Variants in LRRC45 observed in about 807,000 individuals in gnomAD.
LRRC45 encodes leucine rich repeat containing 45.
In LRRC45, 73 loss-of-function variants were observed where a neutral mutation model predicts 85.4. That is an observed-to-expected ratio of 0.85 (90% CI 0.71 to 1.04). LRRC45 has a LOEUF of 1.04. LRRC45 is among the 50% of genes least tolerant of loss of function. The pLI is 0.00. For missense variants in LRRC45, 937 were observed against 883.3 expected (o/e 1.06, Z -0.77); for synonymous variants, 429 against 386.0 (o/e 1.11, Z -1.31).
At chr17:82,024,068 G>A in intron 1 of LRRC45, 1 of 721,018 alleles carries the variant, frequency 1.4e-6, no homozygotes, top group Non-Finnish European at 2.2e-6. Flanking sequence ...GTCTTACCTG[G>A]TTCCCCGCGT....
intron 1 of LRRC45, 134 bp downstream of exon 1, chr17:82,023,997 C>G (rs1269870819): frequency 3.5e-6 from 3 of 860,950 alleles, no homozygotes; most frequent in African/African-American, 1.7e-5. Context: ...GCGCCCCTTC[C>G]TGCACCTGGG....
intron 14 of LRRC45, 59 bp downstream of exon 14, chr17:82,029,694 G>A (rs1398394782): frequency 1.8e-5 from 26 of 1,470,976 alleles, no homozygotes; most frequent in African/African-American, 4.2e-5. Context: ...ATTGCGGCCC[G>A]CATGCAGACT....
intron 1 of LRRC45, 90 bp from the exon 2 acceptor site, chr17:82,024,188 G>A (rs893034128): frequency 8.4e-6 from 12 of 1,429,864 alleles, no homozygotes; most frequent in Non-Finnish European, 1.1e-5. Flanking sequence ...GTCCCTTCCT[G>A]GGTCTAGGGA....
chr17:82,025,702 C>T (rs1217348231), intron 5 of LRRC45, among the ~76,000 whole-genome samples, 195 bp downstream of exon 5: 2 of 152,232 alleles, frequency 1.3e-5, no homozygotes, highest in Non-Finnish European at 2.9e-5. Flanking sequence ...GGGCACTGTC[C>T]GAGGCGCCCT....
In LRRC45 at chr17:82,027,743, C is replaced by G. The variant is rs764794678; in HGVS notation, c.903C>G (p.Leu301=). The G allele has an allele frequency of 5.6e-6, 9 of 1,610,800 alleles. No individual in the cohort carries two copies. The highest frequency in any genetic ancestry group is 7.6e-6 in the Non-Finnish European group (9 of 1,179,104). Reference sequence around the variant, plus strand: ...AGAGGCACTCCATCATCAACGCTCTCAAGGCCAAGTAAGTGGGGGGTGGCC... The same window carrying G: ...AGAGGCACTCCATCATCAACGCTCTGAAGGCCAAGTAAGTGGGGGGTGGCC... ...LNERHSIINA[L]KAKLQMTEAA... is the part of the protein sequence containing the mutation. The change falls in exon 8 of 17, where the codon CTC becomes CTG. Residue 301 remains leucine (L), a synonymous_variant. Coordinates refer to ENST00000306688, the MANE Select transcript of LRRC45 (RefSeq NM_144999.4).
Position 82,029,565 on chromosome 17 carries a change from C to T in LRRC45, c.1424C>T (p.Ala475Val), listed in dbSNP as rs373302486. The change falls in exon 14 of 17, where the codon GCG becomes GTG. Residue 475 changes from alanine to valine, a missense_variant. Coordinates refer to ENST00000306688, the MANE Select transcript of LRRC45 (RefSeq NM_144999.4). ...CAGGAGCTGAGCCGAGTGAAAGCAG[C>T]GGCACTCAGCGAGCGTGGCCAGGCT... ...LEEELSRVKAAALSERGQAEE... is the reference protein window; with the variant it reads ...LEEELSRVKAVALSERGQAEE... 12 of 1,576,424 alleles carry T rather than the reference C, an allele frequency of 7.6e-6. No individual in the cohort carries two copies. The highest frequency in any genetic ancestry group is 2.4e-5 in the East Asian group (1 of 42,486).
rs759604255 is a variant in LRRC45 at position 82,027,450 on chromosome 17, C to T, written c.833+6C>T. 1.6e-5 allele frequency: 25 copies of T among 1,612,520 alleles called. No individual in the cohort carries two copies. The highest frequency in any genetic ancestry group is 4.4e-5 in the South Asian group (4 of 91,090). ...GAGATGGCCAAGAGCAGCAGGTGAG[C>T]GGGCCCAGGGCAGGGGCAGGGTGAG... On this transcript the variant is annotated splice_donor_region_variant and intron_variant, in intron 7 of 16. Transcript: ENST00000306688.
chr17:82,030,046 G>A lies in LRRC45; in HGVS notation c.1495-19G>A, dbSNP rs946723278. On this transcript the variant is annotated intron_variant, in intron 14 of 16. Coordinates refer to ENST00000306688, the MANE Select transcript of LRRC45 (RefSeq NM_144999.4). ...CAGGCTGAGCCCCTCATGCTTCGTG[G>A]CGGCCCCTGTGCTCACAGCAACAGC... 3.3e-6 allele frequency: 5 copies of A among 1,536,194 alleles called. No individual in the cohort carries two copies. The highest frequency in any genetic ancestry group is 4.4e-6 in the Non-Finnish European group (5 of 1,144,158).
At chr17:82,027,810 G>A in intron 8 of LRRC45, 59 bp downstream of exon 8, 3 of 1,578,352 alleles carry the variant, frequency 1.9e-6, no homozygotes, top group Non-Finnish European at 2.6e-6. Flanking sequence ...AGAGAAAGGT[G>A]GTGTGAACCT....
In LRRC45 at chr17:82,023,327, C is replaced by A; in HGVS notation, c.-317C>A. The A allele has an allele frequency of 2.1e-6, 1 of 466,730 alleles. No individual in the cohort carries two copies. The highest frequency in any genetic ancestry group is 3.8e-6 in the Non-Finnish European group (1 of 264,662). 28.9% of individuals were successfully genotyped at this position (466,730 alleles called of 1,614,324 possible). A position where few individuals can be genotyped will look rare whatever the true frequency, so the allele number is the denominator to read the frequency against. ...CTTGTTCTTCCTGGATACTGAGGCCCCGACGCGGCTGTCGCGAGGGCGGGG... is the reference window on the plus strand; with the variant it reads ...CTTGTTCTTCCTGGATACTGAGGCCACGACGCGGCTGTCGCGAGGGCGGGG... On this transcript the variant is annotated 5_prime_UTR_variant, in exon 1 of 17. Transcript: ENST00000306688.
chr17:82,029,405 G>T, intron 13 of LRRC45, 138 bp from the exon 14 acceptor site: 1 of 1,041,496 alleles, frequency 9.6e-7, no homozygotes. Context: ...CAGCGAGCTA[G>T]GTGGCAGAGC....
At chr17:82,024,586 G>T in intron 2 of LRRC45, 107 bp from the exon 3 acceptor site, 1 of 1,302,450 alleles carries the variant, frequency 7.7e-7, no homozygotes, top group Non-Finnish European at 1.1e-6. Flanking sequence ...AAGGCTGCAG[G>T]GTGCACCCCA....
intron 6 of LRRC45, 144 bp from the exon 7 acceptor site, chr17:82,027,241 CT>C: frequency 3.7e-6 from 4 of 1,076,156 alleles, no homozygotes; most frequent in Non-Finnish European, 5.5e-6. Context: ...AGGGGCCACC[CT>C]TCCTGTGAAG....
rs1447470031 is a variant in LRRC45, at chr17:82,027,430, G to A, written c.819G>A (p.Met273Ile). The A allele has an allele frequency of 1.2e-6, 2 of 1,612,600 alleles. No individual in the cohort carries two copies. The highest frequency in any genetic ancestry group is 1.7e-6 in the Non-Finnish European group (2 of 1,179,970). Residue 273 changes from methionine (M) to isoleucine (I), a missense_variant, in exon 7 of 17, where the codon ATG becomes ATA. Coordinates refer to ENST00000306688, the MANE Select transcript of LRRC45 (RefSeq NM_144999.4). The stretch of plus-strand genomic sequence containing the variant: ...CTATTGATAAGCAGCGAGAAGAGAT[G>A]GCCAAGAGCAGCAGGTGAGCGGGCC... ...METIDKQREEMAKSSRASAAR... is the reference protein window; with the variant it reads ...METIDKQREEIAKSSRASAAR...
intron 1 of LRRC45, 129 bp downstream of exon 1, chr17:82,023,992 C>A: frequency 1.2e-6 from 1 of 860,624 alleles, no homozygotes; most frequent in Non-Finnish European, 1.8e-6. Context: ...CAGGGGCGCC[C>A]CTTCCTGCAC....
At position 82,030,988 on chromosome 17, in the gene LRRC45, G is replaced by T; in HGVS notation, c.*183G>T. ...ACCCCGTGGGAGGCGCCTGGGAAGGGCTCCCTACCGGCCCCTTCTTCCCGG... is the reference window on the plus strand; with the variant it reads ...ACCCCGTGGGAGGCGCCTGGGAAGGTCTCCCTACCGGCCCCTTCTTCCCGG... On this transcript the variant is annotated 3_prime_UTR_variant, in exon 17 of 17. Transcript: ENST00000306688. The T allele has an allele frequency of 4.8e-6, 2 of 420,378 alleles. No individual in the cohort carries two copies. The highest frequency in any genetic ancestry group is 8.1e-6 in the Non-Finnish European group (2 of 246,612). 26.0% of individuals were successfully genotyped at this position (420,378 alleles called of 1,614,324 possible). A position where few individuals can be genotyped will look rare whatever the true frequency, so the allele number is the denominator to read the frequency against.
intron 2 of LRRC45, 40 bp from the exon 3 acceptor site, chr17:82,024,653 T>C: frequency 6.4e-7 from 1 of 1,551,574 alleles, no homozygotes; most frequent in Non-Finnish European, 8.7e-7. Context: ...TCAGAGCCAG[T>C]CAGGGCACGC....
rs368905004 is a variant in LRRC45 at position 82,023,620 on chromosome 17, G to A, written c.-24G>A. On this transcript the variant is annotated 5_prime_UTR_variant, in exon 1 of 17. Coordinates refer to ENST00000306688, the MANE Select transcript of LRRC45 (RefSeq NM_144999.4). The stretch of plus-strand genomic sequence containing the variant: ...TCAGCAGCTGCGGGAGCATGCGGAG[G>A]AGGCCCTGCCGGCCCCGCGGGTCAT... The A allele has an allele frequency of 1.3e-6, 2 of 1,507,054 alleles. No homozygotes were observed. The highest frequency in any genetic ancestry group is 8.8e-7 in the Non-Finnish European group (1 of 1,130,038). The allele number at this position is 1,507,054 out of a possible 1,614,324, so 93.4% of individuals were successfully genotyped here. A position where few individuals can be genotyped will look rare whatever the true frequency, so the allele number is the denominator to read the frequency against.
chr17:82,025,825 C>T (rs761922894), intron 5 of LRRC45, among the ~76,000 whole-genome samples: 13 of 152,324 alleles, frequency 8.5e-5, no homozygotes, highest in Non-Finnish European at 1.3e-4. Context: ...GCTGATGCTT[C>T]GGGTGGCCCA....
Sources: gnomAD v4.1 joint callset for allele counts (sites outside exome capture counted in the v4.1 genomes callset) on GRCh38, gnomAD v4.1.1 for gene constraint, MANE v1.5 for transcripts, NCBI Gene and HGNC (gene_info 2026-07-23, HGNC 2026-07-21) for gene names.